CDH18: variants seen among roughly 807,000 people sequenced by gnomAD.
CDH18 encodes the protein cadherin 18.
A neutral mutation model predicts 67.9 loss-of-function variants in CDH18; 31 were observed. The observed-to-expected ratio is 0.46, with a 90% confidence interval of 0.34 to 0.62. CDH18 has a LOEUF of 0.62. Among genes scored for constraint, CDH18 ranks in the 20% least tolerant of loss-of-function variants. The pLI is 0.01. For missense variants in CDH18, 890 were observed against 975.5 expected, an observed-to-expected ratio of 0.91 and a Z score of 1.17; for synonymous variants, 362 against 347.2, an observed-to-expected ratio of 1.04 and a Z score of -0.48.
At chr5:20,260,923 G>A (rs1457315973) in intron 1 of CDH18, among the ~76,000 whole-genome samples, 1 of 152,172 alleles carries the variant, frequency 6.6e-6, no homozygotes, top group African/African-American at 2.4e-5. Flanking sequence ...TTGAGCCTCA[G>A]GTGGGATCAT....
intron 2 of CDH18, among the ~76,000 whole-genome samples, chr5:20,137,614 C>G (rs1424390295): frequency 6.6e-6 from 1 of 152,050 alleles, no homozygotes. Flanking sequence ...CTCCGTCCAC[C>G]TTTGTTCCAT....
chr5:20,304,851 T>C, intron 1 of CDH18: 1 of 1,611,646 alleles, frequency 6.2e-7, no homozygotes. Context: ...TGTTGCCGTG[T>C]TGCTGTTCAA....
At chr5:19,905,118 A>T (rs1375770076) in intron 2 of CDH18, among the ~76,000 whole-genome samples, 3 of 152,148 alleles carry the variant, frequency 2.0e-5, no homozygotes, top group African/African-American at 7.2e-5. Context: ...ATAACTAGAG[A>T]TGTGAAAAGA....
intron 3 of CDH18, among the ~76,000 whole-genome samples, chr5:19,816,812 A>C (rs967296977): frequency 3.2e-4 from 48 of 151,850 alleles, no homozygotes; most frequent in African/African-American, 1.0e-3. Context: ...TCTGAAAACC[A>C]GTACCCTCAT....
At chr5:19,542,793 AT>A (rs35025228) in intron 9 of CDH18, among the ~76,000 whole-genome samples, 11,236 of 148,020 alleles carry the variant, frequency 0.076, 497 homozygotes, top group African/African-American at 0.13. Flanking sequence ...GTAATGCAGA[AT>A]TTTTTTTTTT....
chr5:20,366,094 G>A (rs1742496264), intron 1 of CDH18, among the ~76,000 whole-genome samples: 1 of 152,150 alleles, frequency 6.6e-6, no homozygotes, highest in Non-Finnish European at 1.5e-5. Context: ...CATCAGAGGT[G>A]ATGTAAATAG....
chr5:19,505,738 T>A (rs1744029923), intron 10 of CDH18, among the ~76,000 whole-genome samples: 1 of 152,108 alleles, frequency 6.6e-6, no homozygotes, highest in Middle Eastern at 3.2e-3. Flanking sequence ...TATTGAGGAT[T>A]TTTGTATCGA....
intron 3 of CDH18, among the ~76,000 whole-genome samples, chr5:19,747,916 GGC>G (rs1770251115): frequency 6.6e-6 from 1 of 150,956 alleles, no homozygotes; most frequent in Non-Finnish European, 1.5e-5. Context: ...AGACCATCCT[GGC>G]TAACACGGTG....
intron 2 of CDH18, among the ~76,000 whole-genome samples, chr5:20,132,596 T>C (rs185926276): frequency 1.3e-5 from 2 of 152,304 alleles, no homozygotes; most frequent in Admixed American, 1.3e-4. Context: ...TTTTATATGA[T>C]TCCATTCTGT....
chr5:19,943,728 G>C (rs530164779), intron 2 of CDH18, among the ~76,000 whole-genome samples: 1 of 151,950 alleles, frequency 6.6e-6, no homozygotes, highest in African/African-American at 2.4e-5. Flanking sequence ...TGACCCTTTA[G>C]AGTATTATAG....
At chr5:20,518,973 T>C (rs1478820662) in intron 1 of CDH18, among the ~76,000 whole-genome samples, 3 of 152,118 alleles carry the variant, frequency 2.0e-5, no homozygotes, top group Non-Finnish European at 4.4e-5. Context: ...GTAGCATGGA[T>C]AGAAGAAACA....
intron 2 of CDH18, among the ~76,000 whole-genome samples, chr5:20,182,813 T>C (rs1737795257): frequency 6.6e-6 from 1 of 150,898 alleles, no homozygotes; most frequent in South Asian, 2.1e-4. Context: ...TCTATAGCTA[T>C]AGAATTGCGA....
At chr5:20,083,562 C>G (rs1018099808) in intron 2 of CDH18, among the ~76,000 whole-genome samples, 1 of 152,172 alleles carries the variant, frequency 6.6e-6, no homozygotes, top group African/African-American at 2.4e-5. Flanking sequence ...CCCCATCTGT[C>G]CTTCCTTCTC....
At chr5:20,178,746 A>G (rs909825260) in intron 2 of CDH18, among the ~76,000 whole-genome samples, 11 of 152,096 alleles carry the variant, frequency 7.2e-5, no homozygotes, top group Non-Finnish European at 1.2e-4. Context: ...AAGCATTTCC[A>G]TGTAGATTTG....
chr5:19,745,964 A>G (rs1326401694), intron 4 of CDH18, among the ~76,000 whole-genome samples: 1 of 151,940 alleles, frequency 6.6e-6, no homozygotes, highest in Non-Finnish European at 1.5e-5. Flanking sequence ...TCACAGACTG[A>G]TTTGATTAGT....
intron 8 of CDH18, among the ~76,000 whole-genome samples, chr5:19,552,595 A>C (rs1481074991): frequency 6.6e-6 from 1 of 152,198 alleles, no homozygotes; most frequent in East Asian, 1.9e-4. Flanking sequence ...TTATGTGTGA[A>C]ATAAGCATCA....
chr5:20,216,476 C>A (rs1044994953), intron 2 of CDH18, among the ~76,000 whole-genome samples: 2 of 151,890 alleles, frequency 1.3e-5, no homozygotes, highest in Non-Finnish European at 2.9e-5. Context: ...AAAGTAGGAA[C>A]CTGAAGATAG....
chr5:19,558,321 A>T (rs1738819034), intron 8 of CDH18, among the ~76,000 whole-genome samples: 1 of 152,158 alleles, frequency 6.6e-6, no homozygotes, highest in African/African-American at 2.4e-5. Flanking sequence ...AAATTGAAAC[A>T]AAAAACATAC....
intron 6 of CDH18, among the ~76,000 whole-genome samples, chr5:19,598,686 C>A (rs1257385395): frequency 2.0e-5 from 3 of 151,958 alleles, no homozygotes; most frequent in South Asian, 2.1e-4. Flanking sequence ...CCTCACTTCC[C>A]TAAAATTGTT....
Sources: gnomAD v4.1 joint callset for allele counts (sites outside exome capture counted in the v4.1 genomes callset) on GRCh38, gnomAD v4.1.1 for gene constraint, MANE v1.5 for transcripts, NCBI Gene and HGNC (gene_info 2026-07-23, HGNC 2026-07-21) for gene names.